PPP1R12A: variants seen among roughly 807,000 people sequenced by gnomAD.
The protein encoded by PPP1R12A is protein phosphatase 1 regulatory subunit 12A, also known as myosin binding subunit.
Under a neutral mutation model 139.6 loss-of-function variants are expected in PPP1R12A, and 19 were observed. The observed-to-expected ratio is 0.14, with a 90% CI of 0.09 to 0.20. The LOEUF (loss-of-function observed/expected upper bound fraction) is 0.20. Ranked by LOEUF, PPP1R12A falls within the 10% of genes least tolerant of loss-of-function variation. The probability of loss-of-function intolerance (pLI) is 1.00; values close to 1 mark genes in which losing one functional copy is unlikely to be tolerated. For synonymous variants in PPP1R12A, 427 were observed against 420.6 expected (o/e 1.02, Z -0.19); for missense variants, 925 against 1,211.5 (o/e 0.76, Z 3.51).
At chr12:79,836,492 T>C (rs978878267) in intron 3 of PPP1R12A, among the ~76,000 whole-genome samples, 7 of 152,176 alleles carry the variant, frequency 4.6e-5, no homozygotes, top group African/African-American at 1.7e-4. Flanking sequence ...ATGCTATCTT[T>C]ATCTAATGAC....
At chr12:79,858,229 A>C (rs1179254060) in intron 2 of PPP1R12A, among the ~76,000 whole-genome samples, 1 of 152,212 alleles carries the variant, frequency 6.6e-6, no homozygotes, top group Non-Finnish European at 1.5e-5. Flanking sequence ...CTTCTAGATA[A>C]GTTTGCCCTA....
chr12:79,832,858 G>A (rs916899393), intron 3 of PPP1R12A, among the ~76,000 whole-genome samples: 1 of 151,232 alleles, frequency 6.6e-6, no homozygotes, highest in African/African-American at 2.4e-5. Context: ...CTACTGTTTT[G>A]ATCTGTTCTA....
chr12:79,793,892 C>G lies in PPP1R12A; in HGVS notation c.2620G>C (p.Glu874Gln). ...GTTTCTTTCTTATTGGATCCCTCTT[C>G]TGTGTCTGATTGTTGTTCTTGTTCA... is the stretch of plus-strand genomic sequence containing the variant. ...ENEQEQQSDT[E>Q]EGSNKKETQT... Residue 874 changes from glutamate to glutamine, a missense_variant, in exon 19 of 25, where the codon GAA becomes CAA. Coordinates refer to ENST00000450142, the MANE Select transcript of PPP1R12A (RefSeq NM_002480.3). 6.3e-7 allele frequency: 1 copy of G among 1,595,518 alleles called. No individual in the cohort carries two copies. Among genetic ancestry groups the G allele is most frequent in the Non-Finnish European group, 8.5e-7 (1 of 1,171,496 alleles).
At chr12:79,872,599 C>T (rs1038743764) in intron 2 of PPP1R12A, among the ~76,000 whole-genome samples, 6 of 152,002 alleles carry the variant, frequency 3.9e-5, no homozygotes, top group Admixed American at 3.9e-4. Context: ...TACGAAGTAC[C>T]AAAGGCCAAA....
At chr12:79,845,728 C>G (rs893141713) in intron 2 of PPP1R12A, among the ~76,000 whole-genome samples, 2 of 151,870 alleles carry the variant, frequency 1.3e-5, no homozygotes, top group African/African-American at 2.4e-5. Flanking sequence ...CCCAGCTACT[C>G]AGGAGGCTGA....
chr12:79,904,862 G>C (rs913629380), intron 1 of PPP1R12A, among the ~76,000 whole-genome samples: 1 of 152,148 alleles, frequency 6.6e-6, no homozygotes, highest in Non-Finnish European at 1.5e-5. Flanking sequence ...GAGACCAAGA[G>C]GGGAAAAGAA....
At chr12:79,897,892 C>G (rs572832534) in intron 1 of PPP1R12A, among the ~76,000 whole-genome samples, 2 of 152,320 alleles carry the variant, frequency 1.3e-5, no homozygotes, top group African/African-American at 4.8e-5. Context: ...TTGCCAATCT[C>G]TAGGACTGAG....
At chr12:79,870,544 C>G (rs1340299919) in intron 2 of PPP1R12A, among the ~76,000 whole-genome samples, 3 of 152,116 alleles carry the variant, frequency 2.0e-5, no homozygotes, top group African/African-American at 7.2e-5. Flanking sequence ...AATCTTGTGG[C>G]AGAAAGAATA....
chr12:79,808,027 C>G (rs1874067658), intron 11 of PPP1R12A, among the ~76,000 whole-genome samples: 1 of 150,560 alleles, frequency 6.6e-6, no homozygotes, highest in South Asian at 2.1e-4. Context: ...CAGAGCGAGA[C>G]TCTGTCTCAA....
intron 1 of PPP1R12A, among the ~76,000 whole-genome samples, chr12:79,927,003 C>T (rs4842323): frequency 0.79 from 120,219 of 151,446 alleles, 49,882 homozygotes; most frequent in Non-Finnish European, 0.92. Context: ...TTGAGACTAG[C>T]TTGGGCAACA....
chr12:79,825,520 G>T (rs1445080733), intron 5 of PPP1R12A: 2 of 151,786 alleles, frequency 1.3e-5, no homozygotes, highest in African/African-American at 4.8e-5. Context: ...ATAATTTAAA[G>T]AAATGAAACT....
chr12:79,808,412 A>G (rs144113553), intron 11 of PPP1R12A, 71 bp downstream of exon 11: 1,237 of 1,021,806 alleles, frequency 1.2e-3, no homozygotes, highest in Non-Finnish European at 1.5e-3. Context: ...TACAATGCTC[A>G]TGTATTAACT....
At chr12:79,883,079 G>C (rs1245546606) in intron 1 of PPP1R12A, among the ~76,000 whole-genome samples, 1 of 152,122 alleles carries the variant, frequency 6.6e-6, no homozygotes, top group Non-Finnish European at 1.5e-5. Flanking sequence ...GGAGTTTACA[G>C]TGAGCCAAGA....
At chr12:79,802,306 T>C (rs186506813) in intron 14 of PPP1R12A, among the ~76,000 whole-genome samples, 4 of 152,320 alleles carry the variant, frequency 2.6e-5, no homozygotes, top group South Asian at 2.1e-4. Flanking sequence ...TCAGTAAATA[T>C]AGAAAAGTGC....
intron 3 of PPP1R12A, among the ~76,000 whole-genome samples, chr12:79,842,976 G>C (rs1225676576): frequency 6.6e-6 from 1 of 151,970 alleles, no homozygotes; most frequent in African/African-American, 2.4e-5. Context: ...CCAGCCCCTG[G>C]CAGCCATCAT....
intron 2 of PPP1R12A, among the ~76,000 whole-genome samples, chr12:79,847,606 T>C (rs1879556791): frequency 6.6e-6 from 1 of 152,112 alleles, no homozygotes; most frequent in African/African-American, 2.4e-5. Flanking sequence ...ATACCAGGAA[T>C]ATAAAGGTAA....
chr12:79,829,336 T>C (rs998644541), intron 4 of PPP1R12A, among the ~76,000 whole-genome samples: 5 of 152,132 alleles, frequency 3.3e-5, no homozygotes, highest in African/African-American at 1.2e-4. Flanking sequence ...AGGACCTTCT[T>C]TTTACCTACA....
intron 2 of PPP1R12A, among the ~76,000 whole-genome samples, chr12:79,861,615 G>A (rs1881328433): frequency 1.3e-5 from 2 of 152,118 alleles, no homozygotes; most frequent in African/African-American, 2.4e-5. Context: ...CCCAAATACT[G>A]CACTTCTCCC....
intron 20 of PPP1R12A, among the ~76,000 whole-genome samples, chr12:79,789,089 A>T (rs1020688983): frequency 2.0e-5 from 3 of 152,028 alleles, no homozygotes; most frequent in African/African-American, 7.2e-5. Context: ...GGCATATGCC[A>T]CCATGCCTAA....
Sources: gnomAD v4.1 joint callset for allele counts (sites outside exome capture counted in the v4.1 genomes callset) on GRCh38, gnomAD v4.1.1 for gene constraint, MANE v1.5 for transcripts, NCBI Gene and HGNC (gene_info 2026-07-23, HGNC 2026-07-21) for gene names.